SGCZ: variants seen among roughly 807,000 people sequenced by gnomAD.
The protein encoded by SGCZ is sarcoglycan zeta.
In SGCZ, 40 loss-of-function variants were observed where a neutral mutation model predicts 41.3. The observed-to-expected ratio is 0.97, with a 90% CI of 0.75 to 1.26. The LOEUF (loss-of-function observed/expected upper bound fraction) is 1.26, where lower values mean the gene tolerates loss of function less well. Ranked by LOEUF, SGCZ falls within the 50% of genes most tolerant of loss-of-function variation. SGCZ has a pLI of 0.00. For synonymous variants in SGCZ, 206 were observed against 137.5 expected (o/e 1.50, Z -3.49); for missense variants, 552 against 369.8 (o/e 1.49, Z -4.04).
At chr8:14,302,267 C>G (rs557196667) in intron 3 of SGCZ, among the ~76,000 whole-genome samples, 1 of 152,252 alleles carries the variant, frequency 6.6e-6, no homozygotes, top group African/African-American at 2.4e-5. Flanking sequence ...TCTGCAAAAA[C>G]ACTGGATATT....
At chr8:15,217,934 A>T (rs1801468192) in intron 1 of SGCZ, among the ~76,000 whole-genome samples, 1 of 152,048 alleles carries the variant, frequency 6.6e-6, no homozygotes. Flanking sequence ...TAAAATACAA[A>T]AATTTGCCAA....
intron 1 of SGCZ, among the ~76,000 whole-genome samples, chr8:15,140,021 GC>G (rs1808263645): frequency 6.6e-6 from 1 of 151,696 alleles, no homozygotes; most frequent in South Asian, 2.1e-4. Flanking sequence ...TGGTTATAAA[GC>G]CTTTTTTTTT....
intron 3 of SGCZ, among the ~76,000 whole-genome samples, chr8:14,267,565 T>C (rs1799917850): frequency 6.6e-6 from 1 of 152,062 alleles, no homozygotes; most frequent in Non-Finnish European, 1.5e-5. Context: ...ATGATGCTAT[T>C]ATGCATAATA....
At chr8:14,196,420 G>A (rs1805268823) in intron 4 of SGCZ, among the ~76,000 whole-genome samples, 1 of 151,856 alleles carries the variant, frequency 6.6e-6, no homozygotes, top group South Asian at 2.1e-4. Context: ...AACAAGTGGT[G>A]GAAAATTTGT....
At chr8:14,537,850 T>A (rs909034079) in intron 2 of SGCZ, among the ~76,000 whole-genome samples, 2 of 151,924 alleles carry the variant, frequency 1.3e-5, no homozygotes, top group Non-Finnish European at 2.9e-5. Context: ...GTGAATTCCA[T>A]ATCCTTATCA....
chr8:14,320,330 T>G (rs1315956881), intron 3 of SGCZ, among the ~76,000 whole-genome samples: 1 of 151,854 alleles, frequency 6.6e-6, no homozygotes, highest in East Asian at 1.9e-4. Context: ...TAGACCAGAT[T>G]TGCCGTGTTA....
intron 2 of SGCZ, among the ~76,000 whole-genome samples, chr8:14,526,609 A>G (rs558858416): frequency 1.3e-5 from 2 of 152,018 alleles, no homozygotes; most frequent in African/African-American, 2.4e-5. Flanking sequence ...ATACATATCT[A>G]TTTTTCATGT....
chr8:14,312,612 A>G (rs1227756052), intron 3 of SGCZ, among the ~76,000 whole-genome samples: 1 of 152,046 alleles, frequency 6.6e-6, no homozygotes, highest in East Asian at 1.9e-4. Context: ...CCTAGACAAC[A>G]TAGCTAGACT....
intron 5 of SGCZ, among the ~76,000 whole-genome samples, chr8:14,110,856 C>T (rs1802350170): frequency 6.6e-6 from 1 of 152,058 alleles, no homozygotes; most frequent in African/African-American, 2.4e-5. Context: ...AGTTCCAGAT[C>T]AGCCTGTCCA....
chr8:14,203,419 A>G (rs758150683), intron 4 of SGCZ, among the ~76,000 whole-genome samples: 2 of 152,176 alleles, frequency 1.3e-5, no homozygotes, highest in Non-Finnish European at 2.9e-5. Flanking sequence ...TATGTTTTTA[A>G]TACCTAATAC....
chr8:14,704,670 G>T (rs1330153415), intron 1 of SGCZ, among the ~76,000 whole-genome samples: 1 of 151,786 alleles, frequency 6.6e-6, no homozygotes, highest in African/African-American at 2.4e-5. Flanking sequence ...AGAGAATTGT[G>T]GTGTAACCCA....
At chr8:14,735,663 G>A in intron 1 of SGCZ, among the ~76,000 whole-genome samples, 1 of 152,124 alleles carries the variant, frequency 6.6e-6, no homozygotes, top group East Asian at 1.9e-4. Context: ...TTCACCTTGT[G>A]ATCCTGTGAG....
chr8:14,236,277 A>G (rs538727843), intron 4 of SGCZ, among the ~76,000 whole-genome samples: 2 of 152,306 alleles, frequency 1.3e-5, no homozygotes, highest in South Asian at 4.1e-4. Flanking sequence ...ACCCCTCTAT[A>G]ACTGCTATAT....
chr8:14,791,797 T>C (rs990103625), intron 1 of SGCZ, among the ~76,000 whole-genome samples: 1 of 152,186 alleles, frequency 6.6e-6, no homozygotes, highest in Non-Finnish European at 1.5e-5. Flanking sequence ...TTCTGAATCA[T>C]CAGTAAATTA....
At chr8:14,281,316 C>G (rs140867357) in intron 3 of SGCZ, among the ~76,000 whole-genome samples, 6 of 152,030 alleles carry the variant, frequency 3.9e-5, no homozygotes, top group African/African-American at 1.2e-4. Flanking sequence ...GGCCTTAGGT[C>G]AAGATGCTTT....
chr8:15,113,956 G>A lies in SGCZ; in HGVS notation c.39+123629C>T, dbSNP rs980885420. On this transcript the variant is annotated intron_variant, in intron 1 of 7. Transcript: ENST00000382080. Reference sequence around the variant, plus strand: ...TTTTCCCCACGCATTTCTCTAGGCTGTGCCTCCTCAGTCATTTTTTGACAG... The same window carrying A: ...TTTTCCCCACGCATTTCTCTAGGCTATGCCTCCTCAGTCATTTTTTGACAG... 3.9e-5 allele frequency among the ~76,000 whole-genome samples: 6 copies of A among 152,294 alleles called. No homozygotes were observed. In the East Asian group the frequency reaches 5.8e-4, roughly 15 times the overall value.
At chr8:15,212,302 G>A (rs1460734037) in intron 1 of SGCZ, among the ~76,000 whole-genome samples, 2 of 152,062 alleles carry the variant, frequency 1.3e-5, no homozygotes, top group East Asian at 1.9e-4. Flanking sequence ...GTTTTGCACA[G>A]AAATATACAT....
chr8:14,305,689 C>T lies in SGCZ; in HGVS notation c.336+18414G>A, dbSNP rs184133660. 1.6e-3 allele frequency among the ~76,000 whole-genome samples: 239 copies of T among 152,188 alleles called. 1 individual carries two copies. The highest frequency in any genetic ancestry group is 3.1e-4 in the Non-Finnish European group (21 of 68,010). On this transcript the variant is annotated intron_variant, in intron 3 of 7. Coordinates refer to ENST00000382080, the MANE Select transcript of SGCZ (RefSeq NM_139167.4). Reference sequence around the variant, plus strand: ...TAATGATAGTCTTTGTGGTAGCTTGCAAATTTTTCCCATCGCTGTATTTCC... The same window carrying T: ...TAATGATAGTCTTTGTGGTAGCTTGTAAATTTTTCCCATCGCTGTATTTCC...
At chr8:14,227,113 G>C (rs1806399858) in intron 4 of SGCZ, among the ~76,000 whole-genome samples, 1 of 152,068 alleles carries the variant, frequency 6.6e-6, no homozygotes, top group African/African-American at 2.4e-5. Context: ...GAATCATAAG[G>C]ACCTCTGGAA....
Sources: allele counts gnomAD v4.1 joint callset (sites outside exome capture counted in the v4.1 genomes callset), GRCh38; gene constraint gnomAD v4.1.1; transcripts MANE v1.5; gene names NCBI Gene and HGNC (gene_info 2026-07-23, HGNC 2026-07-21).